Variants in METTL2B observed in about 807,000 individuals in gnomAD.
METTL2B encodes tRNA N(3)-cytidine methyltransferase METTL2B.
A neutral mutation model predicts 51.0 loss-of-function variants in METTL2B; 28 were observed. The ratio of observed to expected loss-of-function variants is 0.55; its 90% CI spans 0.41 to 0.75. The LOEUF (loss-of-function observed/expected upper bound fraction) is 0.75. METTL2B is among the 30% of genes least tolerant of loss of function. The pLI is 0.00. For missense variants in METTL2B, 313 were observed against 460.7 expected, an observed-to-expected ratio of 0.68 and a Z score of 2.93; for synonymous variants, 128 against 166.3, an observed-to-expected ratio of 0.77 and a Z score of 1.77.
At chr7:128,499,835 A>T (rs1187084399) in intron 7 of METTL2B, among the ~76,000 whole-genome samples, 1 of 152,080 alleles carries the variant, frequency 6.6e-6, no homozygotes, top group Non-Finnish European at 1.5e-5. Flanking sequence ...GCCTTTTTTT[A>T]AGTACCCAAT....
At chr7:128,491,154 C>CAAAAAA (rs56007742) in intron 5 of METTL2B, among the ~76,000 whole-genome samples, 7 of 103,386 alleles carry the variant, frequency 6.8e-5, no homozygotes, top group African/African-American at 1.6e-4. Context: ...GACTCCATCT[C>CAAAAAA]AAAAAAAAAA....
chr7:128,495,407 C>G (rs2116862432), intron 6 of METTL2B, among the ~76,000 whole-genome samples: 1 of 152,266 alleles, frequency 6.6e-6, no homozygotes, highest in East Asian at 1.9e-4. Context: ...ATTAAAACTT[C>G]ATATGCATAG....
At chr7:128,485,444 A>G (rs1005891996) in intron 4 of METTL2B, among the ~76,000 whole-genome samples, 5 of 152,108 alleles carry the variant, frequency 3.3e-5, no homozygotes, top group African/African-American at 1.2e-4. Flanking sequence ...CGGGCAGATC[A>G]CAAGGTCAGG....
intron 2 of METTL2B, among the ~76,000 whole-genome samples, chr7:128,478,844 AC>A (rs1371389396): frequency 6.6e-6 from 1 of 152,078 alleles, no homozygotes; most frequent in Non-Finnish European, 1.5e-5. Flanking sequence ...AGCCTGGGTG[AC>A]AGAGCGAGAC....
chr7:128,482,881 A>G (rs1799889744), intron 4 of METTL2B: 1 of 152,200 alleles, frequency 6.6e-6, no homozygotes, highest in South Asian at 2.1e-4. Context: ...CCAGTTCTGT[A>G]TTCATTACTG....
intron 8 of METTL2B, 96 bp downstream of exon 8, chr7:128,501,064 T>C: frequency 1.3e-6 from 2 of 1,578,422 alleles, no homozygotes; most frequent in Non-Finnish European, 1.7e-6. Flanking sequence ...CTCCTGCCTT[T>C]TAGGCAGGCT....
At chr7:128,484,188 G>A (rs1364246660) in intron 4 of METTL2B, 1 of 87,930 alleles carries the variant, frequency 1.1e-5, no homozygotes, top group Non-Finnish European at 2.4e-5. Context: ...GCCTTTTTAT[G>A]TTTCTTGAGT....
At position 128,488,827 on chromosome 7, in the gene METTL2B, C is replaced by T. The variant is rs200237372; in HGVS notation, c.669+666C>T. Among the ~76,000 whole-genome samples the T allele has an allele frequency of 4.6e-5, 7 of 152,188 alleles. No homozygotes were observed. In the South Asian group the frequency reaches 8.3e-4, roughly 18 times the overall value. On this transcript the variant is annotated intron_variant, in intron 5 of 8. Transcript: ENST00000262432. ...AAACTAATGAAATACGATTGCATGC[C>T]GGTGCGGTGACTCATGCCTGTAATG... is the stretch of plus-strand genomic sequence containing the variant.
rs536331582 is a variant in METTL2B at position 128,487,399 on chromosome 7, A to C, written c.609-702A>C. On this transcript the variant is annotated intron_variant, in intron 4 of 8. Coordinates refer to ENST00000262432, the MANE Select transcript of METTL2B (RefSeq NM_018396.3). The stretch of plus-strand genomic sequence containing the variant: ...CATTTTTATTTAGACCTGTACTAAC[A>C]AAAAGAATTCTGGCATTACAAATTG... Among the ~76,000 whole-genome samples the C allele has an allele frequency of 7.2e-5, 11 of 152,350 alleles. 1 individual carries two copies. The highest frequency in any genetic ancestry group is 3.4e-3 in the Middle Eastern group (1 of 294).
chr7:128,490,605 T>A (rs1792811128), intron 5 of METTL2B, among the ~76,000 whole-genome samples: 1 of 152,186 alleles, frequency 6.6e-6, no homozygotes, highest in South Asian at 2.1e-4. Context: ...CCTCTTTGCA[T>A]ACCAGTTTTC....
chr7:128,488,147 A>G lies in METTL2B; in HGVS notation c.655A>G (p.Ile219Val). Residue 219 changes from isoleucine to valine, a missense_variant, in exon 5 of 9, where the codon ATA becomes GTA. Ile to Val is a conservative substitution (Grantham distance 29). Transcript: ENST00000262432. ...TTGCTGTGATTTTTCTTCCACAGCT[A>G]TAGAACTGGTCCAGGTGAGTACGAT... ...VYCCDFSSTA[I>V]ELVQTNSEYD... 6.2e-7 allele frequency: 1 copy of G among 1,613,268 alleles called. No homozygotes were observed. The highest frequency in any genetic ancestry group is 1.1e-5 in the South Asian group (1 of 90,970).
At chr7:128,494,068 C>T (rs1792882938) in intron 6 of METTL2B, 125 bp downstream of exon 6, 1 of 1,247,656 alleles carries the variant, frequency 8.0e-7, no homozygotes, top group Non-Finnish European at 1.1e-6. Context: ...TCATGGCTCA[C>T]TGCAGCCTTA....
chr7:128,498,314 G>T (rs971220181), intron 7 of METTL2B, among the ~76,000 whole-genome samples, 172 bp downstream of exon 7: 2 of 151,002 alleles, frequency 1.3e-5, no homozygotes, highest in Non-Finnish European at 3.0e-5. Context: ...GACGCGGGGT[G>T]GGGGGCATCA....
rs1210338809 is a variant in METTL2B at position 128,501,835 on chromosome 7, G to A, written c.1056G>A (p.Val352=). ...ATCTGGTGGACCGCCGACTGCAGGT[G>A]AACCGAGGGAAGCAACTGACAATGT... ...VQNLVDRRLQ[V]NRGKQLTMYR... Residue 352 remains valine (V), a synonymous_variant, in exon 9 of 9, where the codon GTG becomes GTA. Transcript: ENST00000262432. The A allele has an allele frequency of 6.2e-7, 1 of 1,614,240 alleles. No individual in the cohort carries two copies. The highest frequency in any genetic ancestry group is 1.3e-5 in the African/African-American group (1 of 75,058).
In METTL2B at chr7:128,477,086, A is replaced by C; in HGVS notation, c.115A>C (p.Asn39His). 1 of 1,614,134 alleles carries C rather than the reference A, an allele frequency of 6.2e-7. No individual in the cohort carries two copies. Among genetic ancestry groups the C allele is most frequent in the Non-Finnish European group, 8.5e-7 (1 of 1,180,010 alleles). The change falls in exon 2 of 9, where the codon AAT becomes CAT. Residue 39 changes from asparagine to histidine, a missense_variant. Around this residue, in one of 4 missense-constraint regions of METTL2B, gnomAD observed 66 missense variants for 58.2 expected, o/e 1.13. Coordinates refer to ENST00000262432, the MANE Select transcript of METTL2B (RefSeq NM_018396.3). ...ARVFHHNAWD[N>H]VEWSEEQAAA... is the part of the protein sequence containing the mutation. ...CTGCCCGTTTGATTTTCTCAGGGACAATGTGGAGTGGTCGGAAGAGCAAGC... is the reference window on the plus strand; with the variant it reads ...CTGCCCGTTTGATTTTCTCAGGGACCATGTGGAGTGGTCGGAAGAGCAAGC...
chr7:128,496,931 C>T (rs1792933542), intron 6 of METTL2B, among the ~76,000 whole-genome samples: 1 of 152,126 alleles, frequency 6.6e-6, no homozygotes, highest in Non-Finnish European at 1.5e-5. Context: ...CAGGTGCCTG[C>T]CACCATCCCT....
intron 4 of METTL2B, among the ~76,000 whole-genome samples, chr7:128,486,579 GAC>G (rs2116850780): frequency 6.6e-6 from 1 of 151,832 alleles, no homozygotes; most frequent in South Asian, 2.1e-4. Context: ...CAGCCTGGGT[GAC>G]ACAGCCAAGA....
intron 4 of METTL2B, among the ~76,000 whole-genome samples, chr7:128,482,193 T>C (rs3993576): frequency 1.3e-5 from 2 of 151,738 alleles, no homozygotes; most frequent in African/African-American, 2.4e-5. Context: ...TTGCTTCATC[T>C]CCCAGGTTGG....
At chr7:128,499,814 C>T (rs553506342) in intron 7 of METTL2B, among the ~76,000 whole-genome samples, 1 of 152,320 alleles carries the variant, frequency 6.6e-6, no homozygotes, top group Non-Finnish European at 1.5e-5. Flanking sequence ...AGCCACTGCT[C>T]CCAGCTTACA....
Sources: allele counts gnomAD v4.1 joint callset (sites outside exome capture counted in the v4.1 genomes callset), GRCh38; gene constraint gnomAD v4.1.1; regional missense constraint gnomAD v4.1.1; transcripts MANE v1.5; gene names NCBI Gene and HGNC (gene_info 2026-07-23, HGNC 2026-07-21).